NRARP: variants seen among roughly 807,000 people sequenced by gnomAD.
The protein encoded by NRARP is NOTCH regulated ankyrin repeat protein.
For missense variants in NRARP, 83 were observed against 161.1 expected (o/e 0.52, Z 2.62); for synonymous variants, 81 against 77.4 (o/e 1.05, Z -0.25).
Position 137,301,874 on chromosome 9 carries a change from G to A in NRARP, c.55C>T (p.Gln19Ter), listed in dbSNP as rs761453293. 6.3e-7 allele frequency: 1 copy of A among 1,578,896 alleles called. No homozygotes were observed. The highest frequency in any genetic ancestry group is 8.6e-7 in the Non-Finnish European group (1 of 1,166,058). ...GTGTTGCCCTTGCGCACAGCCTCCTGGAAGATGCGCTGCGTCTGCGGCGCG... is the reference window on the plus strand; with the variant it reads ...GTGTTGCCCTTGCGCACAGCCTCCTAGAAGATGCGCTGCGTCTGCGGCGCG... ...CSAPQTQRIF[Q>*]EAVRKGNTQE... The change falls in exon 1 of 1, where the codon CAG becomes TAG. Residue 19 changes from glutamine to a stop codon, truncating the protein, a stop_gained. Coordinates refer to ENST00000356628, the MANE Select transcript of NRARP (RefSeq NM_001004354.3). LOFTEE classifies it low-confidence loss of function (END_TRUNC). The surrounding 1 kb of genome is among the most constrained non-coding windows in gnomAD (Gnocchi z 9.1).
In NRARP at chr9:137,301,197, G is replaced by A. The variant is rs1830950739; in HGVS notation, c.*387C>T. The A allele has an allele frequency of 6.6e-6, 1 of 152,062 alleles. No homozygotes were observed. The highest frequency in any genetic ancestry group is 2.1e-4 in the South Asian group (1 of 4,834). 9.4% of individuals were successfully genotyped at this position (152,062 alleles called of 1,614,324 possible). On this transcript the variant is annotated 3_prime_UTR_variant, in exon 1 of 1. Coordinates refer to ENST00000356628, the MANE Select transcript of NRARP (RefSeq NM_001004354.3). This position sits in a 1 kb window ranked among gnomAD's most constrained non-coding sequence, Gnocchi z 9.1. ...GCGGAGCGCTCCGAGTCCGCCTTCG[G>A]CTCCCGCCGCCCGCCTTTCACCTTC... is the stretch of plus-strand genomic sequence containing the variant.
chr9:137,302,056 G>C lies in NRARP; in HGVS notation c.-128C>G, dbSNP rs975337203. ...GGCGCGGCGTCCCCGGGCCCCGCAC[G>C]CCGCCTCTGGGCGCTCCGGGCGCTC... On this transcript the variant is annotated 5_prime_UTR_variant, in exon 1 of 1. Transcript: ENST00000356628. This position sits in a 1 kb window ranked among gnomAD's most constrained non-coding sequence, Gnocchi z 4.8. The C allele has an allele frequency of 4.6e-6, 1 of 218,648 alleles. No homozygotes were observed. Among genetic ancestry groups the C allele is most frequent in the African/African-American group, 2.4e-5 (1 of 41,982 alleles). The allele number at this position is 218,648 out of a possible 1,614,324, so 13.5% of individuals were successfully genotyped here.
In NRARP at chr9:137,300,691, G is replaced by T. The variant is rs1830941058; in HGVS notation, c.*893C>A. ...GGGAAACTGCAAAACAAGCCGGTTT[G>T]GGGGATGGTGGCCTCATCCAGGAGG... On this transcript the variant is annotated 3_prime_UTR_variant, in exon 1 of 1. Transcript: ENST00000356628. The T allele has an allele frequency of 1.2e-5, 1 of 86,784 alleles. No homozygotes were observed. The highest frequency in any genetic ancestry group is 3.2e-5 in the African/African-American group (1 of 30,832). 5.4% of individuals were successfully genotyped at this position (86,784 alleles called of 1,614,324 possible).
chr9:137,301,676 A>C lies in NRARP; in HGVS notation c.253T>G (p.Trp85Gly). Residue 85 changes from tryptophan to glycine, a missense_variant, in exon 1 of 1, where the codon TGG becomes GGG. By Grantham distance (184) the Trp-to-Gly change is radical. Transcript: ENST00000356628. This position sits in a 1 kb window ranked among gnomAD's most constrained non-coding sequence, Gnocchi z 9.1. ...AACGCGGCGATGTGCAGCGCGCTCC[A>C]GCCGTCGCGGTTGGCCAGGCGGATG... ...ADIRLANRDG[W>G]SALHIAAFGG... The C allele has an allele frequency of 6.2e-7, 1 of 1,611,450 alleles. No individual in the cohort carries two copies. The highest frequency in any genetic ancestry group is 8.5e-7 in the Non-Finnish European group (1 of 1,179,444).
rs138174068 is a variant in NRARP at position 137,301,863 on chromosome 9, C to T, written c.66G>A (p.Val22=). The T allele has an allele frequency of 3.6e-5, 57 of 1,592,106 alleles. No individual in the cohort carries two copies. In the African/African-American group the frequency reaches 6.3e-4, roughly 18 times the overall value. Residue 22 remains valine (V), a synonymous_variant, in exon 1 of 1, where the codon GTG becomes GTA. Transcript: ENST00000356628. This position sits in a 1 kb window ranked among gnomAD's most constrained non-coding sequence, Gnocchi z 9.1. ...PQTQRIFQEA[V]RKGNTQELQS... is the part of the protein sequence containing the mutation. Reference sequence around the variant, plus strand: ...GCAGCTCCTGCGTGTTGCCCTTGCGCACAGCCTCCTGGAAGATGCGCTGCG... The same window carrying T: ...GCAGCTCCTGCGTGTTGCCCTTGCGTACAGCCTCCTGGAAGATGCGCTGCG...
In NRARP at chr9:137,301,103, C is replaced by T. The variant is rs1830949703; in HGVS notation, c.*481G>A. On this transcript the variant is annotated 3_prime_UTR_variant, in exon 1 of 1. Transcript: ENST00000356628. This position sits in a 1 kb window ranked among gnomAD's most constrained non-coding sequence, Gnocchi z 9.1. ...CGCCAGCGGCGCGGACCTCGGACCT[C>T]GGGGCTGCTCCTCGGCTGCAGCCGG... 1 of 152,078 alleles carries T rather than the reference C, an allele frequency of 6.6e-6. No individual in the cohort carries two copies. The highest frequency in any genetic ancestry group is 1.5e-5 in the Non-Finnish European group (1 of 67,972). The allele number at this position is 152,078 out of a possible 1,614,324, so 9.4% of individuals were successfully genotyped here. A position where few individuals can be genotyped will look rare whatever the true frequency, so the allele number is the denominator to read the frequency against.
In NRARP at chr9:137,301,631, C is replaced by G; in HGVS notation, c.298G>C (p.Val100Leu). The change falls in exon 1 of 1, where the codon GTG becomes CTG. Residue 100 changes from valine (V) to leucine (L), a missense_variant. By Grantham distance (32) the Val-to-Leu change is conservative (BLOSUM62 1). Transcript: ENST00000356628. This position sits in a 1 kb window ranked among gnomAD's most constrained non-coding sequence, Gnocchi z 9.1. ...IAAFGGHQDIVLYLITKAKYA... is the reference protein window; with the variant it reads ...IAAFGGHQDILLYLITKAKYA... The stretch of plus-strand genomic sequence containing the variant: ...TTCGCCTTGGTGATGAGATAGAGCA[C>G]GATGTCCTGGTGGCCACCGAACGCG... The G allele has an allele frequency of 1.9e-6, 3 of 1,609,048 alleles. No individual in the cohort carries two copies. Among genetic ancestry groups the G allele is most frequent in the Non-Finnish European group, 2.5e-6 (3 of 1,177,778 alleles).
chr9:137,300,590 AGAAAAGGTAACGAACCTTCACCCACC>A lies in NRARP; in HGVS notation c.*968_*993del, dbSNP rs1200291270. The A allele has an allele frequency of 2.6e-5, 4 of 152,412 alleles. No individual in the cohort carries two copies. The highest frequency in any genetic ancestry group is 5.9e-5 in the Non-Finnish European group (4 of 68,038). 9.4% of individuals were successfully genotyped at this position (152,412 alleles called of 1,614,324 possible). ...ACCGTTAACTATGATAGAACGCACT[AGAAAAGGTAACGAACCTTCACCCACC>A]CCCCCGTGTCCCCGCCACCCTCGAG... On this transcript the variant is annotated 3_prime_UTR_variant, in exon 1 of 1. Coordinates refer to ENST00000356628, the MANE Select transcript of NRARP (RefSeq NM_001004354.3).
rs1393706249 is a variant in NRARP at position 137,300,851 on chromosome 9, C to T, written c.*733G>A. Reference sequence around the variant, plus strand: ...AGGGGGAGGGACAGCACGGGAACACCATCAGGCTGGGCGGTATTTTCAGTG... The same window carrying T: ...AGGGGGAGGGACAGCACGGGAACACTATCAGGCTGGGCGGTATTTTCAGTG... On this transcript the variant is annotated 3_prime_UTR_variant, in exon 1 of 1. Coordinates refer to ENST00000356628, the MANE Select transcript of NRARP (RefSeq NM_001004354.3). The T allele has an allele frequency of 6.6e-6, 1 of 152,302 alleles. No individual in the cohort carries two copies. Among genetic ancestry groups the T allele is most frequent in the Non-Finnish European group, 1.5e-5 (1 of 68,028 alleles). The allele number at this position is 152,302 out of a possible 1,614,324, so 9.4% of individuals were successfully genotyped here. A position where few individuals can be genotyped will look rare whatever the true frequency, so the allele number is the denominator to read the frequency against.
At position 137,301,918 on chromosome 9, in the gene NRARP, G is replaced by C. The variant is rs1830959299; in HGVS notation, c.11C>G (p.Ala4Gly). 3 of 1,465,254 alleles carry C rather than the reference G, an allele frequency of 2.0e-6. No individual in the cohort carries two copies. The African/African-American group carries it at 4.3e-5, about 21-fold the overall frequency. The allele number at this position is 1,465,254 out of a possible 1,614,324, so 90.8% of individuals were successfully genotyped here. Residue 4 changes from alanine to glycine, a missense_variant, in exon 1 of 1, where the codon GCC becomes GGC. By Grantham distance (60) the Ala-to-Gly change is moderately conservative. Coordinates refer to ENST00000356628, the MANE Select transcript of NRARP (RefSeq NM_001004354.3). The surrounding 1 kb of genome is among the most constrained non-coding windows in gnomAD (Gnocchi z 9.1). The stretch of plus-strand genomic sequence containing the variant: ...CGGCGCGGAGCAGGTGGACAGCTCG[G>C]CCTGGCTCATGCTGCCGCCGGGCGC... MSQ[A>G]ELSTCSAPQT...
Position 137,301,890 on chromosome 9 carries a change from C to G in NRARP, c.39G>C (p.Gln13His). The change falls in exon 1 of 1, where the codon CAG becomes CAC. Residue 13 changes from glutamine (Q) to histidine (H), a missense_variant. Coordinates refer to ENST00000356628, the MANE Select transcript of NRARP (RefSeq NM_001004354.3). The surrounding 1 kb of genome is among the most constrained non-coding windows in gnomAD (Gnocchi z 9.1). ...CAGCCTCCTGGAAGATGCGCTGCGT[C>G]TGCGGCGCGGAGCAGGTGGACAGCT... ...QAELSTCSAP[Q>H]TQRIFQEAVR... The G allele has an allele frequency of 6.4e-7, 1 of 1,569,026 alleles. No individual in the cohort carries two copies. Among genetic ancestry groups the G allele is most frequent in the Non-Finnish European group, 8.6e-7 (1 of 1,160,382 alleles).
Position 137,300,586 on chromosome 9 carries a change from C to CACTAT in NRARP, c.*997_*998insATAGT, listed in dbSNP as rs1277676743. 1 of 152,286 alleles carries CACTAT rather than the reference C, an allele frequency of 6.6e-6. No homozygotes were observed. The highest frequency in any genetic ancestry group is 1.5e-5 in the Non-Finnish European group (1 of 68,020). 9.4% of individuals were successfully genotyped at this position (152,286 alleles called of 1,614,324 possible). A position where few individuals can be genotyped will look rare whatever the true frequency, so the allele number is the denominator to read the frequency against. ...TGCAACCGTTAACTATGATAGAACGCACTAGAAAAGGTAACGAACCTTCAC... is the reference window on the plus strand; with the variant it reads ...TGCAACCGTTAACTATGATAGAACGCACTATACTAGAAAAGGTAACGAACCTTCAC... On this transcript the variant is annotated 3_prime_UTR_variant, in exon 1 of 1. Coordinates refer to ENST00000356628, the MANE Select transcript of NRARP (RefSeq NM_001004354.3).
At position 137,299,689 on chromosome 9, in the gene NRARP, T is replaced by G. The variant is rs1456861658; in HGVS notation, c.*1895A>C. ...AATGAAAAATTTATTTATAAATTTT[T>G]CACGCTGGGCTACAGGTCAATATCG... On this transcript the variant is annotated 3_prime_UTR_variant, in exon 1 of 1. Coordinates refer to ENST00000356628, the MANE Select transcript of NRARP (RefSeq NM_001004354.3). Among the ~76,000 whole-genome samples, 1 of 152,164 alleles carries G rather than the reference T, an allele frequency of 6.6e-6. No homozygotes were observed. Among genetic ancestry groups the G allele is most frequent in the South Asian group, 2.1e-4 (1 of 4,830 alleles).
In NRARP at chr9:137,300,980, A is replaced by G. The variant is rs1393272478; in HGVS notation, c.*604T>C. ...ACCACGCAGTGTTTTCCAAACAAAA[A>G]AACCAGGCGCACAAACTCCACCCAC... On this transcript the variant is annotated 3_prime_UTR_variant, in exon 1 of 1. Transcript: ENST00000356628. The G allele has an allele frequency of 6.6e-6, 1 of 152,274 alleles. No individual in the cohort carries two copies. Among genetic ancestry groups the G allele is most frequent in the Non-Finnish European group, 1.5e-5 (1 of 68,032 alleles). The allele number at this position is 152,274 out of a possible 1,614,324, so 9.4% of individuals were successfully genotyped here. A position where few individuals can be genotyped will look rare whatever the true frequency, so the allele number is the denominator to read the frequency against.
chr9:137,300,188 G>A lies in NRARP; in HGVS notation c.*1396C>T. 6.6e-6 allele frequency among the ~76,000 whole-genome samples: 1 copy of A among 152,160 alleles called. No homozygotes were observed. Among genetic ancestry groups the A allele is most frequent in the East Asian group, 1.9e-4 (1 of 5,200 alleles). On this transcript the variant is annotated 3_prime_UTR_variant, in exon 1 of 1. Transcript: ENST00000356628. ...CAGAAACCAGGAAGGGCGCCTTTCA[G>A]GACAGAAAGTGACGCAGGAGAACCT...
In NRARP at chr9:137,301,503, G is replaced by A; in HGVS notation, c.*81C>T. The stretch of plus-strand genomic sequence containing the variant: ...GCCTTCTGGCGGGGCCTGCGAGCCG[G>A]GCGCGCACCGAGGTAGTTGGCGGGA... On this transcript the variant is annotated 3_prime_UTR_variant, in exon 1 of 1. Transcript: ENST00000356628. The surrounding 1 kb of genome is among the most constrained non-coding windows in gnomAD (Gnocchi z 9.1). The A allele has an allele frequency of 1.0e-5, 10 of 968,760 alleles. No homozygotes were observed. Among genetic ancestry groups the A allele is most frequent in the Non-Finnish European group, 1.3e-5 (9 of 689,742 alleles). The allele number at this position is 968,760 out of a possible 1,614,324, so 60.0% of individuals were successfully genotyped here. A position where few individuals can be genotyped will look rare whatever the true frequency, so the allele number is the denominator to read the frequency against.
chr9:137,301,173 C>A lies in NRARP; in HGVS notation c.*411G>T, dbSNP rs1372692747. The A allele has an allele frequency of 1.3e-5, 2 of 151,990 alleles. No individual in the cohort carries two copies. The highest frequency in any genetic ancestry group is 2.9e-5 in the Non-Finnish European group (2 of 67,962). The allele number at this position is 151,990 out of a possible 1,614,324, so 9.4% of individuals were successfully genotyped here. On this transcript the variant is annotated 3_prime_UTR_variant, in exon 1 of 1. Transcript: ENST00000356628. This position sits in a 1 kb window ranked among gnomAD's most constrained non-coding sequence, Gnocchi z 9.1. ...TGCGGGCGGGTCCTGAAGGCGGCGG[C>A]GGAGCGCTCCGAGTCCGCCTTCGGC...
In NRARP at chr9:137,301,948, C is replaced by T. The variant is rs113579584; in HGVS notation, c.-20G>A. The T allele has an allele frequency of 0.056, 70,802 of 1,264,500 alleles. 3,174 individuals carry two copies. Among genetic ancestry groups the T allele is most frequent in the Admixed American group, 0.21 (6,252 of 30,454 alleles). 78.3% of individuals were successfully genotyped at this position (1,264,500 alleles called of 1,614,324 possible). ...GCTCATGCTGCCGCCGGGCGCGGGC[C>T]GCGGGCCGGGCCGGGGCTCAGCGCG... On this transcript the variant is annotated 5_prime_UTR_variant, in exon 1 of 1. Coordinates refer to ENST00000356628, the MANE Select transcript of NRARP (RefSeq NM_001004354.3). The surrounding 1 kb of genome is among the most constrained non-coding windows in gnomAD (Gnocchi z 9.1).
In NRARP at chr9:137,299,964, G is replaced by A. The variant is rs1830931513; in HGVS notation, c.*1620C>T. 6.6e-6 allele frequency among the ~76,000 whole-genome samples: 1 copy of A among 152,116 alleles called. No individual in the cohort carries two copies. Among genetic ancestry groups the A allele is most frequent in the Non-Finnish European group, 1.5e-5 (1 of 68,036 alleles). ...ACAAAGTTTTATAAAAAGCGACGGA[G>A]GGCTGCCCGAATACGACCAGCCACG... On this transcript the variant is annotated 3_prime_UTR_variant, in exon 1 of 1. Transcript: ENST00000356628.
Sources: allele counts gnomAD v4.1 joint callset (sites outside exome capture counted in the v4.1 genomes callset), GRCh38; gene constraint gnomAD v4.1.1; non-coding constraint Gnocchi (gnomAD v3.1); transcripts MANE v1.5; gene names NCBI Gene and HGNC (gene_info 2026-07-23, HGNC 2026-07-21).